Variants in MED12L observed in about 807,000 individuals in gnomAD.
The protein encoded by MED12L is mediator complex subunit 12L, also known as mediator of RNA polymerase II transcription subunit 12-like protein.
MED12L carries 60 observed loss-of-function variants against 281.3 expected under a neutral mutation model. That is an observed-to-expected ratio of 0.21 (90% CI 0.17 to 0.26). The LOEUF is 0.26. MED12L is among the 10% of genes least tolerant of loss of function. The pLI is 1.00. For synonymous variants in MED12L, 974 were observed against 987.2 expected, an observed-to-expected ratio of 0.99 and a Z score of 0.25; for missense variants, 2,146 against 2,680.9, an observed-to-expected ratio of 0.80 and a Z score of 4.41.
chr3:151,328,324 A>C lies in MED12L; in HGVS notation c.2251-21735A>C, dbSNP rs749622675. The stretch of plus-strand genomic sequence containing the variant: ...GCTTTTTGTTGTTTTTTCTGTCCTT[A>C]CTTTTGGACTTTCTATAAGAATCAT... On this transcript the variant is annotated intron_variant, in intron 16 of 44. Transcript: ENST00000687756. The C allele has an allele frequency of 1.9e-6, 3 of 1,613,442 alleles. No individual in the cohort carries two copies. The South Asian group carries it at 3.3e-5, about 18-fold the overall frequency.
At chr3:151,282,131 A>G (rs772910609) in intron 16 of MED12L, among the ~76,000 whole-genome samples, 3 of 152,222 alleles carry the variant, frequency 2.0e-5, no homozygotes, top group South Asian at 2.1e-4. Flanking sequence ...TTTATTGAGC[A>G]TAGTGAGTAA....
chr3:151,216,860 G>C (rs1348646017), intron 16 of MED12L, among the ~76,000 whole-genome samples: 1 of 152,088 alleles, frequency 6.6e-6, no homozygotes, highest in African/African-American at 2.4e-5. Flanking sequence ...AATTTGTCTG[G>C]TAACTGTCTC....
At chr3:151,277,426 A>T (rs1392088745) in intron 16 of MED12L, among the ~76,000 whole-genome samples, 1 of 151,714 alleles carries the variant, frequency 6.6e-6, no homozygotes, top group Non-Finnish European at 1.5e-5. Context: ...GTTTTTTTTT[A>T]GTGCTAAAAC....
At chr3:151,301,655 A>G (rs1463542690) in intron 16 of MED12L, among the ~76,000 whole-genome samples, 1 of 152,232 alleles carries the variant, frequency 6.6e-6, no homozygotes, top group African/African-American at 2.4e-5. Context: ...AAGACACTGA[A>G]CATCATCAGT....
At position 151,151,031 on chromosome 3, in the gene MED12L, C is replaced by CTTTTTTTCTTTTTT. The variant is rs1718402674; in HGVS notation, c.557-5123_557-5122insCTTTTTTTTTTTTT. On this transcript the variant is annotated intron_variant, in intron 5 of 44. Transcript: ENST00000687756. Reference sequence around the variant, plus strand: ...ATCATTTGTATGACTGCTGAAGTAGCTTTTTTTTTTTTTTTTTTTTTTTGA... The same window carrying CTTTTTTTCTTTTTT: ...ATCATTTGTATGACTGCTGAAGTAGCTTTTTTTCTTTTTTTTTTTTTTTTTTTTTTTTTTTTTGA... Among the ~76,000 whole-genome samples, 2 of 32,880 alleles carry CTTTTTTTCTTTTTT rather than the reference C, an allele frequency of 6.1e-5. 1 individual carries two copies. Among genetic ancestry groups the CTTTTTTTCTTTTTT allele is most frequent in the Non-Finnish European group, 1.1e-4 (2 of 18,416 alleles). 21.6% of individuals were successfully genotyped at this position (32,880 alleles called of 152,430 possible).
chr3:151,170,918 T>C (rs1721346228), intron 11 of MED12L, among the ~76,000 whole-genome samples: 1 of 152,116 alleles, frequency 6.6e-6, no homozygotes, highest in African/African-American at 2.4e-5. Context: ...GGGAAGCCTC[T>C]CAAATTCTTA....
At chr3:151,399,348 ATAT>A (rs1330648291) in intron 39 of MED12L, among the ~76,000 whole-genome samples, 2 of 152,362 alleles carry the variant, frequency 1.3e-5, no homozygotes, top group African/African-American at 4.8e-5. Flanking sequence ...TCCCATAACA[ATAT>A]TATTTTCTTA....
Position 151,232,132 on chromosome 3 carries a change from G to T in MED12L, c.2250+38466G>T, listed in dbSNP as rs1258131129. 4.6e-5 allele frequency among the ~76,000 whole-genome samples: 7 copies of T among 152,032 alleles called. 1 individual carries two copies. The highest frequency in any genetic ancestry group is 4.6e-4 in the Admixed American group (7 of 15,256). On this transcript the variant is annotated intron_variant, in intron 16 of 44. Transcript: ENST00000687756. ...CCTTTCCTTCTTACTTTCCTGTGGG[G>T]TCTCCTCTGCCCATCCTTAAAATTG...
rs189251230 is a variant in MED12L at position 151,313,418 on chromosome 3, G to A, written c.2251-36641G>A. On this transcript the variant is annotated intron_variant, in intron 16 of 44. Transcript: ENST00000687756. ...AAAAAGAGGTAACAGCAAATACAGC[G>A]TGGTTGACTGTGGGCAGTGGTTCAA... Among the ~76,000 whole-genome samples, 38 of 152,216 alleles carry A rather than the reference G, an allele frequency of 2.5e-4. No homozygotes were observed. In the East Asian group the frequency reaches 5.8e-3, roughly 23 times the overall value.
At chr3:151,162,126 A>G (rs1720078278) in intron 8 of MED12L, among the ~76,000 whole-genome samples, 2 of 152,178 alleles carry the variant, frequency 1.3e-5, no homozygotes, top group Admixed American at 6.5e-5. Flanking sequence ...GCAGATTTGA[A>G]TGTATTTTTG....
rs1560030921 is a variant in MED12L at position 151,086,892 on chromosome 3, ACT to A, written c.-31_-30del. 2.0e-6 allele frequency: 3 copies of A among 1,527,392 alleles called. No individual in the cohort carries two copies. The highest frequency in any genetic ancestry group is 2.4e-5 in the South Asian group (2 of 83,220). The allele number at this position is 1,527,392 out of a possible 1,614,324, so 94.6% of individuals were successfully genotyped here. ...CTCAGAGGCGGCTGCTCCAGCTCCA[ACT>A]CTCATTCATTTCGCCGGTTAACATG... On this transcript the variant is annotated 5_prime_UTR_variant, in exon 2 of 45. Coordinates refer to ENST00000687756, the MANE Select transcript of MED12L (RefSeq NM_001393769.1).
At chr3:151,355,267 ATTT>A (rs1357245819) in intron 18 of MED12L, 28 bp downstream of exon 18, 1 of 1,482,478 alleles carries the variant, frequency 6.7e-7, no homozygotes, top group South Asian at 1.2e-5. Context: ...TTTATTATGC[ATTT>A]GCAGTATTCT....
At chr3:151,116,187 A>T (rs1341430768) in intron 2 of MED12L, 151 bp from the exon 3 acceptor site, 5 of 576,070 alleles carry the variant, frequency 8.7e-6, no homozygotes, top group Non-Finnish European at 1.5e-5. Context: ...TTGGTGTTTA[A>T]ACTTCAATTT....
intron 16 of MED12L, among the ~76,000 whole-genome samples, chr3:151,225,015 G>T (rs573784766): frequency 6.6e-6 from 1 of 152,240 alleles, no homozygotes; most frequent in African/African-American, 2.4e-5. Context: ...ATTTACTAGT[G>T]TTATTTAATT....
intron 21 of MED12L, among the ~76,000 whole-genome samples, 183 bp downstream of exon 21, chr3:151,360,788 A>G (rs180765492): frequency 1.3e-5 from 2 of 152,280 alleles, no homozygotes; most frequent in African/African-American, 4.8e-5. Context: ...ACAATACACG[A>G]TAGTCTATTA....
intron 16 of MED12L, among the ~76,000 whole-genome samples, chr3:151,286,964 C>T (rs1303173290): frequency 1.3e-5 from 2 of 152,206 alleles, no homozygotes; most frequent in East Asian, 1.9e-4. Context: ...GAGAGGGCTT[C>T]CCAGCTTCAA....
rs1712826674 is a variant in MED12L, at chr3:151,116,458, TG to T, written c.204+17del. The T allele has an allele frequency of 6.4e-7, 1 of 1,550,550 alleles. No homozygotes were observed. The highest frequency in any genetic ancestry group is 1.4e-5 in the African/African-American group (1 of 73,610). On this transcript the variant is annotated intron_variant, in intron 3 of 44. Transcript: ENST00000687756. ...CCCATCAAAGGTAATGTTATTTGTTTGTTTCCTCAAACTCCTGAAAAAGTGT... is the reference window on the plus strand; with the variant it reads ...CCCATCAAAGGTAATGTTATTTGTTTTTTCCTCAAACTCCTGAAAAAGTGT...
At chr3:151,088,371 A>G (rs947978524) in intron 2 of MED12L, among the ~76,000 whole-genome samples, 6 of 152,310 alleles carry the variant, frequency 3.9e-5, no homozygotes, top group African/African-American at 1.4e-4. Context: ...ACCCCAACTT[A>G]GAATGAAGTT....
intron 16 of MED12L, among the ~76,000 whole-genome samples, chr3:151,223,698 A>C (rs1481630683): frequency 6.6e-6 from 1 of 152,186 alleles, no homozygotes; most frequent in Admixed American, 6.5e-5. Flanking sequence ...ACGGGGAGGT[A>C]GGAAGCGGGG....
Sources: gnomAD v4.1 joint callset for allele counts (sites outside exome capture counted in the v4.1 genomes callset) on GRCh38, gnomAD v4.1.1 for gene constraint, MANE v1.5 for transcripts, NCBI Gene and HGNC (gene_info 2026-07-23, HGNC 2026-07-21) for gene names.